The following COL4A1 variants were observed in gnomAD, a reference collection of about 807,000 sequenced individuals.
The protein encoded by COL4A1 is collagen alpha-1(IV) chain.
Under a neutral mutation model 216.6 loss-of-function variants are expected in COL4A1, and 40 were observed. That is an observed-to-expected ratio of 0.18 (90% confidence interval 0.14 to 0.24). The LOEUF (loss-of-function observed/expected upper bound fraction) is 0.24. Among genes scored for constraint, COL4A1 ranks in the 10% least tolerant of loss-of-function variants. The probability of loss-of-function intolerance (pLI) is 1.00; values close to 1 mark genes in which losing one functional copy is unlikely to be tolerated. For synonymous variants in COL4A1, 839 were observed against 810.7 expected (o/e 1.03, Z -0.59); for missense variants, 1,628 against 2,196.8 (o/e 0.74, Z 5.18).
intron 28 of COL4A1, 33 bp downstream of exon 28, chr13:110,182,960 G>C: frequency 6.3e-7 from 1 of 1,586,890 alleles, no homozygotes; most frequent in Non-Finnish European, 8.6e-7. Context: ...GTCACAGGTG[G>C]ACCAAAGGCT....
Position 110,211,781 on chromosome 13 carries a change from G to A in COL4A1, c.441+88C>T. The A allele has an allele frequency of 6.7e-7, 1 of 1,503,318 alleles. No homozygotes were observed. Among genetic ancestry groups the A allele is most frequent in the Admixed American group, 1.8e-5 (1 of 56,932 alleles). 93.1% of individuals were successfully genotyped at this position (1,503,318 alleles called of 1,614,324 possible). A position where few individuals can be genotyped will look rare whatever the true frequency, so the allele number is the denominator to read the frequency against. Reference sequence around the variant, plus strand: ...TAAAATATAAGTTATTAAAACATAAGCAAAGAAAGAAAGAAAAGGAAATGG... The same window carrying A: ...TAAAATATAAGTTATTAAAACATAAACAAAGAAAGAAAGAAAAGGAAATGG... On this transcript the variant is annotated intron_variant, in intron 7 of 51. Transcript: ENST00000375820. This position sits in a 1 kb window ranked among gnomAD's most constrained non-coding sequence, Gnocchi z 4.3.
chr13:110,238,108 G>A (rs1881404114), intron 2 of COL4A1, among the ~76,000 whole-genome samples: 1 of 152,200 alleles, frequency 6.6e-6, no homozygotes, highest in Non-Finnish European at 1.5e-5. Flanking sequence ...AGCCAATGTG[G>A]ACAGGAGCTG....
chr13:110,227,387 GACACACACACACACACAC>G (rs373355054), intron 2 of COL4A1, among the ~76,000 whole-genome samples: 1 of 138,676 alleles, frequency 7.2e-6, no homozygotes, highest in Non-Finnish European at 1.5e-5. Flanking sequence ...GGGTACGGTA[GACACACACACACACACAC>G]ACACACACAC....
intron 50 of COL4A1, among the ~76,000 whole-genome samples, chr13:110,154,580 A>G (rs911013305): frequency 1.3e-5 from 2 of 152,260 alleles, no homozygotes; most frequent in Admixed American, 1.3e-4. Context: ...CTCCATGTAA[A>G]GAGGCTGGTC....
At chr13:110,290,321 G>A (rs1157987905) in intron 1 of COL4A1, among the ~76,000 whole-genome samples, 1 of 152,160 alleles carries the variant, frequency 6.6e-6, no homozygotes. Context: ...CTCCCCAGAG[G>A]GAACACAATC....
At chr13:110,218,306 C>G (rs910399068) in intron 2 of COL4A1, among the ~76,000 whole-genome samples, 1 of 152,090 alleles carries the variant, frequency 6.6e-6, no homozygotes, top group African/African-American at 2.4e-5. Context: ...CGGATCTTCA[C>G]AATGGACTGA....
chr13:110,307,055 G>T lies in COL4A1; in HGVS notation c.-28C>A, dbSNP rs770197166. On this transcript the variant is annotated 5_prime_UTR_variant, in exon 1 of 52. Transcript: ENST00000375820. This position sits in a 1 kb window ranked among gnomAD's most constrained non-coding sequence, Gnocchi z 5.0. ...TGGCGCGCCCGAGGCGGCGAGGGAC[G>T]GCTGCCCGGCGTGCGGGGGCCGCGG... The T allele has an allele frequency of 9.7e-6, 14 of 1,438,848 alleles. No individual in the cohort carries two copies. The highest frequency in any genetic ancestry group is 1.4e-5 in the South Asian group (1 of 72,394). 89.1% of individuals were successfully genotyped at this position (1,438,848 alleles called of 1,614,324 possible). A position where few individuals can be genotyped will look rare whatever the true frequency, so the allele number is the denominator to read the frequency against.
At chr13:110,163,360 G>T (rs1877173545) in intron 47 of COL4A1, 103 bp downstream of exon 47, 3 of 925,762 alleles carry the variant, frequency 3.2e-6, no homozygotes, top group Non-Finnish European at 5.3e-6. Context: ...TCTGTCAAGT[G>T]ATATATCCAA....
At chr13:110,232,506 T>C (rs1053175181) in intron 2 of COL4A1, among the ~76,000 whole-genome samples, 1 of 152,234 alleles carries the variant, frequency 6.6e-6, no homozygotes, top group Admixed American at 6.5e-5. Flanking sequence ...AGTTTTCATT[T>C]GTCAGGGTTT....
intron 1 of COL4A1, among the ~76,000 whole-genome samples, chr13:110,273,635 A>G (rs1772861475): frequency 6.6e-6 from 1 of 152,214 alleles, no homozygotes; most frequent in African/African-American, 2.4e-5. Flanking sequence ...AAAGAACTAA[A>G]CACCTAGAAT....
rs546479881 is a variant in COL4A1, at chr13:110,272,876, A to G, written c.85-30142T>C. 2.6e-5 allele frequency among the ~76,000 whole-genome samples: 4 copies of G among 152,314 alleles called. No homozygotes were observed. The South Asian group carries it at 8.3e-4, about 32-fold the overall frequency. On this transcript the variant is annotated intron_variant, in intron 1 of 51. Coordinates refer to ENST00000375820, the MANE Select transcript of COL4A1 (RefSeq NM_001845.6). ...GTCCGACCCTTCACCTGTCACCATC[A>G]ATAAGGTGCCCATGGAAACTGATAA...
chr13:110,197,988 C>CA (rs1878981114), intron 21 of COL4A1, among the ~76,000 whole-genome samples: 1 of 152,010 alleles, frequency 6.6e-6, no homozygotes, highest in South Asian at 2.1e-4. Flanking sequence ...TTCCATGTTA[C>CA]ATGTTCACCT....
Position 110,183,209 on chromosome 13 carries a change from C to G in COL4A1, c.1965G>C (p.Gly655=), listed in dbSNP as rs564141966. The G allele has an allele frequency of 1.2e-6, 2 of 1,613,882 alleles. No homozygotes were observed. The highest frequency in any genetic ancestry group is 2.7e-5 in the African/African-American group (2 of 75,040). The change falls in exon 27 of 52, where the codon GGG becomes GGC. Residue 655 remains glycine (G), a synonymous_variant. Transcript: ENST00000375820. The part of the protein sequence containing the change: ...PGPPGAEGLP[G]SPGFPGPQGD... ...CTTGGGGACCTGGGAAGCCTGGGGACCCCGGCAGTCCTTCTGCTCCAGGGG... is the reference window on the plus strand; with the variant it reads ...CTTGGGGACCTGGGAAGCCTGGGGAGCCCGGCAGTCCTTCTGCTCCAGGGG...
chr13:110,302,992 GTTGTCATTTAGCCAC>G (rs1267550035), intron 1 of COL4A1, among the ~76,000 whole-genome samples: 1 of 152,142 alleles, frequency 6.6e-6, no homozygotes, highest in East Asian at 1.9e-4. Flanking sequence ...CAAAACCACT[GTTGTCATTTAGCCAC>G]TTCTTGATGT....
intron 1 of COL4A1, among the ~76,000 whole-genome samples, chr13:110,282,578 G>C (rs150237348): frequency 6.6e-6 from 1 of 152,202 alleles, no homozygotes; most frequent in Non-Finnish European, 1.5e-5. Context: ...GGCTGCAGGA[G>C]CTCTGAATTG....
chr13:110,194,933 C>T (rs1878816286), intron 22 of COL4A1, 90 bp downstream of exon 22: 3 of 1,059,808 alleles, frequency 2.8e-6, no homozygotes, highest in African/African-American at 3.1e-5. Context: ...ACTCTGCCCA[C>T]CCCCACTTGG....
At chr13:110,306,504 G>A (rs1884715677) in intron 1 of COL4A1, among the ~76,000 whole-genome samples, 1 of 152,168 alleles carries the variant, frequency 6.6e-6, no homozygotes, top group African/African-American at 2.4e-5. Flanking sequence ...CTGCTCCCAG[G>A]GGCTAGGAGC....
At chr13:110,183,780 G>A (rs932563828) in intron 26 of COL4A1, among the ~76,000 whole-genome samples, 1 of 152,218 alleles carries the variant, frequency 6.6e-6, no homozygotes, top group Non-Finnish European at 1.5e-5. Flanking sequence ...CAGCTGGAGA[G>A]CTCTGCGCTC....
At chr13:110,298,220 T>G (rs766771972) in intron 1 of COL4A1, among the ~76,000 whole-genome samples, 2 of 152,220 alleles carry the variant, frequency 1.3e-5, no homozygotes, top group Admixed American at 6.5e-5. Context: ...AAACAAAATC[T>G]AATTATTATG....
Sources: allele counts gnomAD v4.1 joint callset (sites outside exome capture counted in the v4.1 genomes callset), GRCh38; gene constraint gnomAD v4.1.1; non-coding constraint Gnocchi (gnomAD v3.1); transcripts MANE v1.5; gene names NCBI Gene and HGNC (gene_info 2026-07-23, HGNC 2026-07-21).